CERS1: variants seen among roughly 807,000 people sequenced by gnomAD.
CERS1 encodes the protein Embryonic growth/differentiation factor 1.
A neutral mutation model predicts 35.7 loss-of-function variants in CERS1; 16 were observed. The observed-to-expected ratio is 0.45, with a 90% CI of 0.30 to 0.68. The LOEUF is 0.68. Ranked by LOEUF, CERS1 falls within the 30% of genes least tolerant of loss-of-function variation. The pLI, the probability that CERS1 is intolerant of heterozygous loss-of-function variation, is 0.08. For missense variants in CERS1, 454 were observed against 453.9 expected, an observed-to-expected ratio of 1.00 and a Z score of 0.00; for synonymous variants, 243 against 201.6, an observed-to-expected ratio of 1.21 and a Z score of -1.74.
At chr19:18,891,132 A>T (rs2056480504) in intron 2 of CERS1, among the ~76,000 whole-genome samples, 1 of 152,118 alleles carries the variant, frequency 6.6e-6, no homozygotes, top group Non-Finnish European at 1.5e-5. Context: ...AAAAAAAAAA[A>T]AAAAAGTTAT....
At chr19:18,886,184 T>C (rs1344000299) in intron 2 of CERS1, among the ~76,000 whole-genome samples, 2 of 150,166 alleles carry the variant, frequency 1.3e-5, no homozygotes, top group African/African-American at 5.0e-5. Flanking sequence ...GGCAGGAGAG[T>C]TGCTTGAGTC....
In CERS1 at chr19:18,868,869, G is replaced by C; in HGVS notation, c.*1116C>G. On this transcript the variant is annotated 3_prime_UTR_variant, in exon 8 of 8. Transcript: ENST00000623882. The stretch of plus-strand genomic sequence containing the variant: ...AAGCCGCGCGGCGCGATGACCCAGC[G>C]GTGCCAGCCCACCTCGCGGAAGCTC... The C allele has an allele frequency of 6.9e-7, 1 of 1,439,946 alleles. No homozygotes were observed. Among genetic ancestry groups the C allele is most frequent in the South Asian group, 1.2e-5 (1 of 80,874 alleles). 89.2% of individuals were successfully genotyped at this position (1,439,946 alleles called of 1,614,324 possible).
rs566233199 is a variant in CERS1 at position 18,879,564 on chromosome 19, C to G, written c.753-176G>C. Among the ~76,000 whole-genome samples, 4 of 151,066 alleles carry G rather than the reference C, an allele frequency of 2.6e-5. No individual in the cohort carries two copies. The East Asian group carries it at 7.9e-4, about 30-fold the overall frequency. On this transcript the variant is annotated intron_variant, in intron 4 of 7. Coordinates refer to ENST00000623882, the MANE Select transcript of CERS1 (RefSeq NM_021267.5). ...CTCCCCTGCCATGCCCCGCCCACCTCGCCAAGGCCCCACATCCTTCCCCGC... is the reference window on the plus strand; with the variant it reads ...CTCCCCTGCCATGCCCCGCCCACCTGGCCAAGGCCCCACATCCTTCCCCGC...
At chr19:18,886,325 G>A (rs966428979) in intron 2 of CERS1, among the ~76,000 whole-genome samples, 31 of 152,222 alleles carry the variant, frequency 2.0e-4, no homozygotes, top group African/African-American at 6.5e-4. Context: ...CGAGGCGGGC[G>A]GATCACAAGG....
Position 18,870,284 on chromosome 19 carries a change from G to C in CERS1, c.*293C>G. The C allele has an allele frequency of 1.3e-6, 2 of 1,548,948 alleles. No homozygotes were observed. The highest frequency in any genetic ancestry group is 1.7e-6 in the Non-Finnish European group (2 of 1,148,516). ...GGAGGAGGAGGAGGTGGTGGCCGCAGGGACCTTGCTGCGGCGGTGGCATCT... is the reference window on the plus strand; with the variant it reads ...GGAGGAGGAGGAGGTGGTGGCCGCACGGACCTTGCTGCGGCGGTGGCATCT... On this transcript the variant is annotated 3_prime_UTR_variant, in exon 7 of 8. Transcript: ENST00000623882. This position sits in a 1 kb window ranked among gnomAD's most constrained non-coding sequence, Gnocchi z 5.1.
At chr19:18,879,105 A>G (rs2146011621) in intron 5 of CERS1, 66 bp from the exon 6 acceptor site, 1 of 1,593,888 alleles carries the variant, frequency 6.3e-7, no homozygotes, top group Non-Finnish European at 8.5e-7. Flanking sequence ...GCTGACAGCC[A>G]TGTGCTCCTG....
Position 18,868,550 on chromosome 19 carries a change from G to T in CERS1, c.*1435C>A. 2 of 1,437,200 alleles carry T rather than the reference G, an allele frequency of 1.4e-6. No homozygotes were observed. Among genetic ancestry groups the T allele is most frequent in the South Asian group, 2.4e-5 (2 of 81,762 alleles). 89.0% of individuals were successfully genotyped at this position (1,437,200 alleles called of 1,614,324 possible). On this transcript the variant is annotated 3_prime_UTR_variant, in exon 8 of 8. Coordinates refer to ENST00000623882, the MANE Select transcript of CERS1 (RefSeq NM_021267.5). ...GGAGTCCAAGGAGACCAGCGGAGCA[G>T]ACCACGCGGCATTTATTGTTGGGCC...
At chr19:18,871,485 G>A (rs1028277296) in intron 6 of CERS1, among the ~76,000 whole-genome samples, 5 of 152,044 alleles carry the variant, frequency 3.3e-5, no homozygotes, top group Admixed American at 6.6e-5. Context: ...GCCTCCCAAA[G>A]TGCTGGGATT....
Position 18,869,176 on chromosome 19 carries a change from CGGCCCGGGGTCCGCGCCCGCGCCCT to C in CERS1, c.*784_*808del. The stretch of plus-strand genomic sequence containing the variant: ...CGGGCACCAACTGGCGGAGCAGCAC[CGGCCCGGGGTCCGCGCCCGCGCCCT>C]GGCCCGCTTGCGCCACGCTCAGCTC... On this transcript the variant is annotated 3_prime_UTR_variant, in exon 8 of 8. Coordinates refer to ENST00000623882, the MANE Select transcript of CERS1 (RefSeq NM_021267.5). 1 of 1,154,884 alleles carries C rather than the reference CGGCCCGGGGTCCGCGCCCGCGCCCT, an allele frequency of 8.7e-7. No individual in the cohort carries two copies. Among genetic ancestry groups the C allele is most frequent in the Non-Finnish European group, 1.1e-6 (1 of 939,664 alleles). 71.5% of individuals were successfully genotyped at this position (1,154,884 alleles called of 1,614,324 possible).
intron 2 of CERS1, among the ~76,000 whole-genome samples, chr19:18,891,383 G>A (rs1014094493): frequency 3.3e-5 from 5 of 152,130 alleles, no homozygotes; most frequent in East Asian, 1.9e-4. Context: ...CAGAGAAGCC[G>A]CAGCCCCCAC....
chr19:18,893,306 C>A, intron 2 of CERS1, 110 bp downstream of exon 2: 1 of 1,293,028 alleles, frequency 7.7e-7, no homozygotes. Context: ...CCTCCAACTC[C>A]TGGGCTCCAG....
chr19:18,880,407 A>G lies in CERS1; in HGVS notation c.619T>C (p.Phe207Leu), dbSNP rs2056175022. ...RYHNVGILVL[F>L]LHDISDVQLE... ...TGCACGTCACTGATATCGTGCAGGA[A>G]GAGCACAAGGATGCCCACATTGTGG... The change falls in exon 4 of 8, where the codon TTC (phenylalanine) becomes CTC (leucine). Residue 207 changes from phenylalanine to leucine, a missense_variant. Coordinates refer to ENST00000623882, the MANE Select transcript of CERS1 (RefSeq NM_021267.5). The G allele has an allele frequency of 6.3e-7, 1 of 1,592,790 alleles. No individual in the cohort carries two copies. The highest frequency in any genetic ancestry group is 1.3e-5 in the African/African-American group (1 of 74,544).
intron 3 of CERS1, 76 bp downstream of exon 3, chr19:18,884,011 T>C (rs1255647944): frequency 1.4e-6 from 2 of 1,478,116 alleles, no homozygotes; most frequent in Non-Finnish European, 1.8e-6. Flanking sequence ...GCCTCCTCTG[T>C]GCCCCGCCGC....
At chr19:18,877,375 T>C (rs1021097834) in intron 6 of CERS1, among the ~76,000 whole-genome samples, 2 of 152,196 alleles carry the variant, frequency 1.3e-5, no homozygotes, top group African/African-American at 4.8e-5. Context: ...TCCTGGTGTC[T>C]AGATGTGGCC....
Position 18,892,305 on chromosome 19 carries a change from C to T in CERS1, c.409+1111G>A, listed in dbSNP as rs183545789. 3.1e-4 allele frequency among the ~76,000 whole-genome samples: 47 copies of T among 152,194 alleles called. 1 individual carries two copies. The East Asian group carries it at 7.6e-3, about 25-fold the overall frequency. The stretch of plus-strand genomic sequence containing the variant: ...GTCATCCACAAAACCCAATCCTCTC[C>T]ATGCTGTGCTTAAAAACATCACATT... On this transcript the variant is annotated intron_variant, in intron 2 of 7. Coordinates refer to ENST00000623882, the MANE Select transcript of CERS1 (RefSeq NM_021267.5).
intron 4 of CERS1, among the ~76,000 whole-genome samples, chr19:18,879,668 T>C (rs2056150340): frequency 1.2e-5 from 1 of 86,726 alleles, no homozygotes; most frequent in Admixed American, 1.4e-4. Context: ...CCTCCCCTTC[T>C]CTGCTAGGCC....
upstream of CERS1, chr19:18,896,190 G>A (rs113264972): frequency 8.2e-5 from 20 of 242,970 alleles, no homozygotes; most frequent in South Asian, 2.2e-3. This position sits in a 1 kb window ranked among gnomAD's most constrained non-coding sequence, Gnocchi z 5.9. Context: ...GAGAGCGGAG[G>A]GCGGAGGGGC....
At chr19:18,893,654 C>A in intron 1 of CERS1, 79 bp from the exon 2 acceptor site, 8 of 1,416,462 alleles carry the variant, frequency 5.6e-6, no homozygotes, top group Non-Finnish European at 6.7e-6. Flanking sequence ...AAACTGAGGC[C>A]CAGGGACTCC....
In CERS1 at chr19:18,870,762, C is replaced by T. The variant is rs1601147991; in HGVS notation, c.1011-143G>A. The T allele has an allele frequency of 1.4e-5, 6 of 440,136 alleles. No individual in the cohort carries two copies. The highest frequency in any genetic ancestry group is 1.2e-5 in the Non-Finnish European group (3 of 244,140). 27.3% of individuals were successfully genotyped at this position (440,136 alleles called of 1,614,324 possible). ...GGGCCTCGCCTTGTGGCTTCCTCCTCGCCTTCACCCTGCCCCTCCTTGCCT... is the reference window on the plus strand; with the variant it reads ...GGGCCTCGCCTTGTGGCTTCCTCCTTGCCTTCACCCTGCCCCTCCTTGCCT... On this transcript the variant is annotated intron_variant, in intron 6 of 7. Transcript: ENST00000623882. The surrounding 1 kb of genome is among the most constrained non-coding windows in gnomAD (Gnocchi z 5.1).
Sources: gnomAD v4.1 joint callset for allele counts (sites outside exome capture counted in the v4.1 genomes callset) on GRCh38, gnomAD v4.1.1 for gene constraint, Gnocchi (gnomAD v3.1) non-coding constraint, MANE v1.5 for transcripts, NCBI Gene and HGNC (gene_info 2026-07-23, HGNC 2026-07-21) for gene names.